The following CTNND2 variants were observed in gnomAD, a reference collection of about 807,000 sequenced individuals.
The protein encoded by CTNND2 is catenin delta-2.
A neutral mutation model predicts 144.4 loss-of-function variants in CTNND2; 22 were observed. The observed-to-expected ratio is 0.15, with a 90% CI of 0.11 to 0.22. The LOEUF is 0.22. Among genes scored for constraint, CTNND2 ranks in the 10% least tolerant of loss-of-function variants. CTNND2 has a pLI of 1.00. For missense variants in CTNND2, 1,353 were observed against 1,618.8 expected, an observed-to-expected ratio of 0.84 and a Z score of 2.82; for synonymous variants, 751 against 695.6, an observed-to-expected ratio of 1.08 and a Z score of -1.25.
chr5:11,900,072 A>C (rs1024199251), intron 1 of CTNND2, among the ~76,000 whole-genome samples: 1 of 152,156 alleles, frequency 6.6e-6, no homozygotes, highest in Non-Finnish European at 1.5e-5. Context: ...ATATATAAGA[A>C]CCCAATAAAA....
intron 1 of CTNND2, among the ~76,000 whole-genome samples, chr5:11,864,710 C>G (rs960340402): frequency 6.6e-6 from 1 of 152,018 alleles, no homozygotes; most frequent in Non-Finnish European, 1.5e-5. Flanking sequence ...GACTTTACAG[C>G]CTAACTTAAG....
In CTNND2 at chr5:11,470,974, ATATATATTT is replaced by A. The variant is rs1331297993; in HGVS notation, c.288-58914_288-58906del. Among the ~76,000 whole-genome samples the A allele has an allele frequency of 7.8e-4, 77 of 98,094 alleles. 1 individual carries two copies. Among genetic ancestry groups the A allele is most frequent in the African/African-American group, 3.3e-3 (65 of 19,662 alleles). 64.4% of individuals were successfully genotyped at this position (98,094 alleles called of 152,430 possible). On this transcript the variant is annotated intron_variant, in intron 3 of 21. Transcript: ENST00000304623. ...ACAAAGTATATATATATATATATAT[ATATATATTT>A]TTTTTTTTTTTTTAGATGGAGTCTC...
At chr5:11,116,299 G>T (rs968636013) in intron 13 of CTNND2, among the ~76,000 whole-genome samples, 1 of 152,190 alleles carries the variant, frequency 6.6e-6, no homozygotes, top group Admixed American at 6.5e-5. Flanking sequence ...TTGTTACTGG[G>T]GTGGGGATGG....
chr5:11,137,273 G>A (rs1490549700), intron 12 of CTNND2, among the ~76,000 whole-genome samples: 2 of 152,080 alleles, frequency 1.3e-5, no homozygotes, highest in Non-Finnish European at 2.9e-5. Context: ...AATTTTATTG[G>A]GAGCATGTTG....
chr5:11,748,352 T>C (rs4286666), intron 1 of CTNND2, among the ~76,000 whole-genome samples: 133,133 of 152,082 alleles, frequency 0.88, 60,498 homozygotes, highest in Non-Finnish European at 0.99. Flanking sequence ...CTAAATTATA[T>C]ATATTTAAAA....
intron 16 of CTNND2, among the ~76,000 whole-genome samples, chr5:11,066,638 G>A (rs1358645654): frequency 6.6e-6 from 1 of 152,142 alleles, no homozygotes; most frequent in East Asian, 1.9e-4. Context: ...GCTGTGTCAT[G>A]GGCCATGGTC....
At chr5:11,047,958 C>T (rs148285406) in intron 16 of CTNND2, among the ~76,000 whole-genome samples, 10 of 152,264 alleles carry the variant, frequency 6.6e-5, no homozygotes, top group Non-Finnish European at 1.3e-4. Context: ...TCAACTTCTC[C>T]GGGCTCAATT....
intron 16 of CTNND2, among the ~76,000 whole-genome samples, chr5:11,027,782 G>C (rs1052614785): frequency 2.6e-5 from 4 of 152,140 alleles, no homozygotes; most frequent in African/African-American, 9.7e-5. Flanking sequence ...TACCCCAAGG[G>C]ACTCACTCAG....
At chr5:11,525,112 T>G (rs778949778) in intron 3 of CTNND2, among the ~76,000 whole-genome samples, 5 of 152,198 alleles carry the variant, frequency 3.3e-5, no homozygotes, top group Non-Finnish European at 7.4e-5. Context: ...CAGCAACACA[T>G]CTGCATTCCT....
intron 1 of CTNND2, among the ~76,000 whole-genome samples, chr5:11,829,235 A>C (rs1443492737): frequency 2.0e-5 from 3 of 152,222 alleles, no homozygotes; most frequent in East Asian, 1.9e-4. Context: ...ATTTTCTGAA[A>C]AGAAATCCAA....
At chr5:11,229,041 C>T (rs1461907992) in intron 10 of CTNND2, among the ~76,000 whole-genome samples, 1 of 152,122 alleles carries the variant, frequency 6.6e-6, no homozygotes, top group Non-Finnish European at 1.5e-5. Flanking sequence ...GATCTGTAAA[C>T]ACTTCATATA....
At chr5:11,120,550 C>T (rs953678417) in intron 12 of CTNND2, among the ~76,000 whole-genome samples, 13 of 56,660 alleles carry the variant, frequency 2.3e-4, no homozygotes, top group African/African-American at 1.0e-3. Flanking sequence ...GGTTATCATA[C>T]TGTCCGCAGG....
intron 9 of CTNND2, among the ~76,000 whole-genome samples, chr5:11,279,505 C>A (rs143699134): frequency 6.0e-4 from 92 of 152,218 alleles, no homozygotes; most frequent in African/African-American, 2.1e-3. Context: ...TCTGATCTTA[C>A]CCCCTGGAGT....
intron 3 of CTNND2, among the ~76,000 whole-genome samples, chr5:11,455,468 C>A (rs1268884949): frequency 6.6e-6 from 1 of 152,122 alleles, no homozygotes; most frequent in Non-Finnish European, 1.5e-5. Context: ...GTGTGAAGCA[C>A]AAACAGAGCT....
At chr5:11,388,361 G>A (rs1056105210) in intron 6 of CTNND2, among the ~76,000 whole-genome samples, 3 of 152,140 alleles carry the variant, frequency 2.0e-5, no homozygotes, top group Non-Finnish European at 4.4e-5. Context: ...ATATGGCACC[G>A]CTGAACACAT....
At chr5:11,202,199 T>G (rs1284038522) in intron 10 of CTNND2, among the ~76,000 whole-genome samples, 1 of 152,198 alleles carries the variant, frequency 6.6e-6, no homozygotes, top group Non-Finnish European at 1.5e-5. Context: ...TTAGCTATAT[T>G]GGATGTTATA....
intron 1 of CTNND2, among the ~76,000 whole-genome samples, chr5:11,800,154 ATAAT>A (rs1791601806): frequency 6.6e-6 from 1 of 152,224 alleles, no homozygotes; most frequent in Admixed American, 6.5e-5. Flanking sequence ...AGTCTGAAAC[ATAAT>A]AAGTGTTGAG....
intron 3 of CTNND2, among the ~76,000 whole-genome samples, chr5:11,458,989 T>C (rs1274503380): frequency 6.6e-6 from 1 of 152,070 alleles, no homozygotes; most frequent in African/African-American, 2.4e-5. Context: ...ACCCTGGTCT[T>C]GAACTTCTGG....
chr5:11,816,076 G>C (rs143113755), intron 1 of CTNND2, among the ~76,000 whole-genome samples: 1,679 of 152,286 alleles, frequency 0.011, 20 homozygotes, highest in Middle Eastern at 0.024. Flanking sequence ...GTGAGAGCCT[G>C]GCAAGAGGCC....
Sources: gnomAD v4.1 joint callset for allele counts (sites outside exome capture counted in the v4.1 genomes callset) on GRCh38, gnomAD v4.1.1 for gene constraint, MANE v1.5 for transcripts, NCBI Gene and HGNC (gene_info 2026-07-23, HGNC 2026-07-21) for gene names.